TNKS1BP1: variants seen among roughly 807,000 people sequenced by gnomAD.
TNKS1BP1 encodes CCR4-NOT transcription complex subunit 12.
Under a neutral mutation model 141.1 loss-of-function variants are expected in TNKS1BP1, and 48 were observed. The ratio of observed to expected loss-of-function variants is 0.34; its 90% CI spans 0.27 to 0.43. The LOEUF is 0.43. Ranked by LOEUF, TNKS1BP1 falls within the 20% of genes least tolerant of loss-of-function variation. The probability of loss-of-function intolerance (pLI) is 1.00; values close to 1 mark genes in which losing one functional copy is unlikely to be tolerated. For synonymous variants in TNKS1BP1, 875 were observed against 898.2 expected, an observed-to-expected ratio of 0.97 and a Z score of 0.46; for missense variants, 2,149 against 2,226.0, an observed-to-expected ratio of 0.97 and a Z score of 0.70.
intron 3 of TNKS1BP1, 48 bp from the exon 4 acceptor site, chr11:57,317,935 G>C: frequency 6.4e-7 from 1 of 1,570,196 alleles, no homozygotes; most frequent in Middle Eastern, 1.9e-4. Context: ...GTTAGAGTCT[G>C]TCACAGAATG....
In TNKS1BP1 at chr11:57,308,850, C is replaced by G; in HGVS notation, c.3861G>C (p.Leu1287=). 6.2e-7 allele frequency: 1 copy of G among 1,614,128 alleles called. No homozygotes were observed. The highest frequency in any genetic ancestry group is 8.5e-7 in the Non-Finnish European group (1 of 1,180,038). Residue 1287 remains leucine, a synonymous_variant, in exon 6 of 12, where the codon CTG becomes CTC. Transcript: ENST00000358252. ...GQADWTPDLG[L]RNMAPGAVCS... Reference sequence around the variant, plus strand: ...AGACTGCCCCTGGGGCCATGTTTCTCAGCCCAAGGTCAGGTGTCCAGTCTG... The same window carrying G: ...AGACTGCCCCTGGGGCCATGTTTCTGAGCCCAAGGTCAGGTGTCCAGTCTG...
chr11:57,322,701 G>A (rs1355059055), intron 1 of TNKS1BP1, among the ~76,000 whole-genome samples: 3 of 152,350 alleles, frequency 2.0e-5, no homozygotes, highest in African/African-American at 7.2e-5. Flanking sequence ...AGAGGAAGGA[G>A]GAGCCGGCCC....
chr11:57,317,701 T>A (rs1307865886), intron 4 of TNKS1BP1, 117 bp downstream of exon 4: 1 of 1,104,166 alleles, frequency 9.1e-7, no homozygotes, highest in African/African-American at 1.6e-5. Context: ...AGTGAGTCAC[T>A]CTCCCCATGG....
chr11:57,316,234 G>A (rs1855797611), intron 4 of TNKS1BP1, among the ~76,000 whole-genome samples: 1 of 152,050 alleles, frequency 6.6e-6, no homozygotes, highest in Non-Finnish European at 1.5e-5. Context: ...CCCCAGTCCT[G>A]GAGGCTGTCT....
chr11:57,312,229 C>T (rs936244312), intron 5 of TNKS1BP1, among the ~76,000 whole-genome samples: 1 of 152,188 alleles, frequency 6.6e-6, no homozygotes, highest in Non-Finnish European at 1.5e-5. Context: ...GATTTACCCA[C>T]AATATAACTC....
rs1565046676 is a variant in TNKS1BP1 at position 57,320,151 on chromosome 11, C to A, written c.656G>T (p.Gly219Val). 3.7e-6 allele frequency: 6 copies of A among 1,614,184 alleles called. No individual in the cohort carries two copies. The highest frequency in any genetic ancestry group is 3.3e-4 in the Middle Eastern group (2 of 6,062). ...RDEDGSTLFR[G>V]WSQEGPVKSP... is the part of the protein sequence containing the mutation. ...CTTTACTGGCCCCTCCTGGGACCAT[C>A]CCCTGAAGAGGGTGCTGCCATCCTC... is the stretch of plus-strand genomic sequence containing the variant. The change falls in exon 3 of 12, where the codon GGA becomes GTA. Residue 219 changes from glycine to valine, a missense_variant. Transcript: ENST00000358252.
Position 57,313,838 on chromosome 11 carries a change from C to A in TNKS1BP1, c.850G>T (p.Gly284Cys). 1 of 1,527,710 alleles carries A rather than the reference C, an allele frequency of 6.5e-7. No homozygotes were observed. The highest frequency in any genetic ancestry group is 2.3e-5 in the East Asian group (1 of 43,834). 94.6% of individuals were successfully genotyped at this position (1,527,710 alleles called of 1,614,324 possible). Residue 284 changes from glycine to cysteine, a missense_variant, in exon 5 of 12, where the codon GGC becomes TGC. Transcript: ENST00000358252. The stretch of plus-strand genomic sequence containing the variant: ...GCGGGGAGGCCTGGGCTGGCAGGGC[C>A]TCCATTCTCTGAGGAGGGGGCTGGA... ...SSPAPSSENGGPASPGLPAEA... is the reference protein window; with the variant it reads ...SSPAPSSENGCPASPGLPAEA...
chr11:57,302,828 G>T lies in TNKS1BP1; in HGVS notation c.4317-3C>A. ...GGCGGGCCGGGCACCTGCCAGGGCT[G>T]TAAAGGGGACAGAGAGAGAACGAGA... On this transcript the variant is annotated splice_region_variant and splice_polypyrimidine_tract_variant and intron_variant, in intron 6 of 11. Transcript: ENST00000358252. The surrounding 1 kb of genome is among the most constrained non-coding windows in gnomAD (Gnocchi z 5.5). 1 of 1,524,758 alleles carries T rather than the reference G, an allele frequency of 6.6e-7. No individual in the cohort carries two copies. The allele number at this position is 1,524,758 out of a possible 1,614,324, so 94.5% of individuals were successfully genotyped here.
Position 57,321,730 on chromosome 11 carries a change from GC to G in TNKS1BP1, c.94+61del, listed in dbSNP as rs564654408. On this transcript the variant is annotated intron_variant, in intron 2 of 11. Transcript: ENST00000358252. ...CCACCCCCCAAGACAGAAAGAGGGG[GC>G]AGCCTCTGTCCTTCCCACCCCCCTC... The G allele has an allele frequency of 2.2e-4, 285 of 1,297,368 alleles. 2 individuals are homozygous for G. In the South Asian group the frequency reaches 3.6e-3, roughly 16 times the overall value. 80.4% of individuals were successfully genotyped at this position (1,297,368 alleles called of 1,614,324 possible). A position where few individuals can be genotyped will look rare whatever the true frequency, so the allele number is the denominator to read the frequency against.
chr11:57,311,649 C>T (rs1337516650), intron 5 of TNKS1BP1, among the ~76,000 whole-genome samples: 1 of 152,168 alleles, frequency 6.6e-6, no homozygotes, highest in African/African-American at 2.4e-5. Context: ...CCCCTGGCTC[C>T]TCCTTTCCTG....
At chr11:57,311,424 G>T in intron 5 of TNKS1BP1, 6 of 985,866 alleles carry the variant, frequency 6.1e-6, no homozygotes, top group Non-Finnish European at 7.2e-6. Context: ...CGCAGGGATA[G>T]AGCTGGGCTG....
rs1441647890 is a variant in TNKS1BP1 at position 57,308,537 on chromosome 11, C to T, written c.4174G>A (p.Asp1392Asn). Residue 1392 changes from aspartate (D) to asparagine (N), a missense_variant, in exon 6 of 12, where the codon GAC becomes AAC. Asp to Asn is a conservative substitution (Grantham distance 23, BLOSUM62 1). Coordinates refer to ENST00000358252, the MANE Select transcript of TNKS1BP1 (RefSeq NM_033396.3). ...GSLSPGLEAR[D>N]PLEARELGVG... The stretch of plus-strand genomic sequence containing the variant: ...CCCAGCTCCCTGGCCTCCAAGGGGT[C>T]TCTGGCCTCCAGGCCAGGAGACAAG... The T allele has an allele frequency of 1.2e-6, 2 of 1,614,086 alleles. No homozygotes were observed. Among genetic ancestry groups the T allele is most frequent in the Non-Finnish European group, 1.7e-6 (2 of 1,180,034 alleles).
rs145151168 is a variant in TNKS1BP1, at chr11:57,310,142, T to C, written c.2569A>G (p.Ser857Gly). The C allele has an allele frequency of 6.2e-7, 1 of 1,614,218 alleles. No homozygotes were observed. ...TGGTCCTGGAGTTCTGCATCCCGGC[T>C]GGAGTAAGTGCCCTGGGAATCCCTC... is the stretch of plus-strand genomic sequence containing the variant. ...RKRDSQGTYS[S>G]RDAELQDQEF... Residue 857 changes from serine to glycine, a missense_variant, in exon 6 of 12, where the codon AGC becomes GGC. Coordinates refer to ENST00000358252, the MANE Select transcript of TNKS1BP1 (RefSeq NM_033396.3).
chr11:57,309,462 C>T lies in TNKS1BP1; in HGVS notation c.3249G>A (p.Lys1083=). Residue 1083 remains lysine (K), a synonymous_variant, in exon 6 of 12, where the codon AAG becomes AAA. Coordinates refer to ENST00000358252, the MANE Select transcript of TNKS1BP1 (RefSeq NM_033396.3). This position sits in a 1 kb window ranked among gnomAD's most constrained non-coding sequence, Gnocchi z 4.3. ...GGCTAAACTCACCGACCCAGCCTCG[C>T]TTTCCCATCTCCCCATCTTCCAGGT... ...SADLEDGEMG[K]RGWVGEFSLS... 1.9e-6 allele frequency: 3 copies of T among 1,614,098 alleles called. No individual in the cohort carries two copies. The highest frequency in any genetic ancestry group is 2.5e-6 in the Non-Finnish European group (3 of 1,180,024).
At chr11:57,324,755 G>C in intron 1 of TNKS1BP1, 85 bp downstream of exon 1, 1 of 981,442 alleles carries the variant, frequency 1.0e-6, no homozygotes, top group Non-Finnish European at 1.2e-6. Context: ...GTGTCGGCTG[G>C]AAAGCACCCA....
chr11:57,316,959 C>G (rs1855808963), intron 4 of TNKS1BP1, among the ~76,000 whole-genome samples: 1 of 152,198 alleles, frequency 6.6e-6, no homozygotes, highest in African/African-American at 2.4e-5. Context: ...GTCCTCACTA[C>G]CACCTAACTC....
At position 57,301,686 on chromosome 11, in the gene TNKS1BP1, AGAG is replaced by A. The variant is rs1459286450; in HGVS notation, c.4971+118_4971+120del. The A allele has an allele frequency of 2.2e-6, 3 of 1,351,766 alleles. No individual in the cohort carries two copies. In the East Asian group the frequency reaches 7.1e-5, roughly 32 times the overall value. 83.7% of individuals were successfully genotyped at this position (1,351,766 alleles called of 1,614,324 possible). On this transcript the variant is annotated intron_variant, in intron 9 of 11. Coordinates refer to ENST00000358252, the MANE Select transcript of TNKS1BP1 (RefSeq NM_033396.3). Reference sequence around the variant, plus strand: ...GGAGCCCTCGATGGAGAGGAGAGTGAGAGGAGGAATGGGAGAGGGGGACAGGGG... The same window carrying A: ...GGAGCCCTCGATGGAGAGGAGAGTGAGAGGAATGGGAGAGGGGGACAGGGG...
rs1348681250 is a variant in TNKS1BP1, at chr11:57,313,607, C to G, written c.1081G>C (p.Ala361Pro). ...CTGCTGGGTCTGGGGGCCTCTGGAG[C>G]CCCCTCGGCAGGGAGCCCCGGGCTG... ...TPSPGLPAEG[A>P]PEAPRPSSPP... Residue 361 changes from alanine to proline, a missense_variant, in exon 5 of 12, where the codon GCT (alanine) becomes CCT (proline). Transcript: ENST00000358252. The G allele has an allele frequency of 2.5e-6, 4 of 1,593,834 alleles. No individual in the cohort carries two copies. Among genetic ancestry groups the G allele is most frequent in the Non-Finnish European group, 3.4e-6 (4 of 1,170,714 alleles).
At chr11:57,303,481 C>G (rs924347086) in intron 6 of TNKS1BP1, 1 of 153,074 alleles carries the variant, frequency 6.5e-6, no homozygotes, top group Non-Finnish European at 1.5e-5. Context: ...TGCCCTGCCC[C>G]CTCCCAGCCA....
Sources: allele counts gnomAD v4.1 joint callset (sites outside exome capture counted in the v4.1 genomes callset), GRCh38; gene constraint gnomAD v4.1.1; non-coding constraint Gnocchi (gnomAD v3.1); transcripts MANE v1.5; gene names NCBI Gene and HGNC (gene_info 2026-07-23, HGNC 2026-07-21).